TGM3: variants seen among roughly 807,000 people sequenced by gnomAD.
TGM3 encodes the protein transglutaminase 3.
A neutral mutation model predicts 73.8 loss-of-function variants in TGM3; 52 were observed. That is an observed-to-expected ratio of 0.70 (90% CI 0.56 to 0.89). The LOEUF is 0.89. Ranked by LOEUF, TGM3 falls within the 40% of genes least tolerant of loss-of-function variation. The pLI is 0.00. For missense variants in TGM3, 928 were observed against 909.9 expected (o/e 1.02, Z -0.26); for synonymous variants, 372 against 354.9 (o/e 1.05, Z -0.54).
At chr20:2,336,795 C>G (rs1568634660) in intron 11 of TGM3, among the ~76,000 whole-genome samples, 1 of 151,890 alleles carries the variant, frequency 6.6e-6, no homozygotes, top group Non-Finnish European at 1.5e-5. Context: ...ATCTAAACCC[C>G]TCCATTGATC....
intron 7 of TGM3, among the ~76,000 whole-genome samples, chr20:2,317,943 C>CATATATATATAT (rs61329150): frequency 8.3e-5 from 3 of 36,226 alleles, no homozygotes; most frequent in African/African-American, 1.4e-4. Context: ...ATATATATAT[C>CATATATATATAT]ATATATATAT....
At chr20:2,336,868 C>A (rs148554178) in intron 11 of TGM3, among the ~76,000 whole-genome samples, 5 of 152,096 alleles carry the variant, frequency 3.3e-5, no homozygotes, top group Non-Finnish European at 7.4e-5. Flanking sequence ...GTCACTGGGA[C>A]AATAAATTAC....
Position 2,317,480 on chromosome 20 carries a change from C to T in TGM3, c.978C>T (p.Ser326=), listed in dbSNP as rs769905860. The change falls in exon 7 of 13, where the codon AGC becomes AGT. Residue 326 remains serine, a synonymous_variant. Coordinates refer to ENST00000381458, the MANE Select transcript of TGM3 (RefSeq NM_003245.4). ...MGNPLDKGSD[S]VWNFHVWNEG... Reference sequence around the variant, plus strand: ...ACCCCCTGGACAAGGGTAGTGATAGCGTATGGTAAGTATCTCACCTTTTCC... The same window carrying T: ...ACCCCCTGGACAAGGGTAGTGATAGTGTATGGTAAGTATCTCACCTTTTCC... The T allele has an allele frequency of 1.9e-5, 31 of 1,614,076 alleles. No individual in the cohort carries two copies. The highest frequency in any genetic ancestry group is 4.0e-5 in the African/African-American group (3 of 74,932).
chr20:2,336,803 A>C (rs2084353685), intron 11 of TGM3, among the ~76,000 whole-genome samples: 1 of 151,738 alleles, frequency 6.6e-6, no homozygotes, highest in African/African-American at 2.4e-5. Context: ...CCCTCCATTG[A>C]TCAGTGGTGA....
In TGM3 at chr20:2,332,174, C is replaced by A. The variant is rs758343795; in HGVS notation, c.1506C>A (p.Val502=). The change falls in exon 10 of 13, where the codon GTC becomes GTA. Residue 502 remains valine (V), a synonymous_variant. Coordinates refer to ENST00000381458, the MANE Select transcript of TGM3 (RefSeq NM_003245.4). The surrounding 1 kb of genome is among the most constrained non-coding windows in gnomAD (Gnocchi z 4.4). ...MLAVGKEVNL[V]LLLKNLSRDT... The stretch of plus-strand genomic sequence containing the variant: ...CAGTAGGCAAAGAAGTCAACCTGGT[C>A]CTACTGCTCAAAAACCTGAGCAGGG... 364 of 1,613,986 alleles carry A rather than the reference C, an allele frequency of 2.3e-4. No individual in the cohort carries two copies. The highest frequency in any genetic ancestry group is 3.0e-4 in the Non-Finnish European group (352 of 1,180,012).
chr20:2,328,189 T>C lies in TGM3; in HGVS notation c.1157T>C (p.Met386Thr). 6.2e-7 allele frequency: 1 copy of C among 1,614,196 alleles called. No homozygotes were observed. Among genetic ancestry groups the C allele is most frequent in the Non-Finnish European group, 8.5e-7 (1 of 1,180,048 alleles). ...GGTGATGTGCAGCTGAACTTCGACA[T>C]GCCCTTTATCTTCGCGGAGGTTAAT... ...REGDVQLNFD[M>T]PFIFAEVNAD... The change falls in exon 9 of 13, where the codon ATG becomes ACG. Residue 386 changes from methionine to threonine, a missense_variant. By Grantham distance (81) the Met-to-Thr change is moderately conservative (BLOSUM62 -1). Coordinates refer to ENST00000381458, the MANE Select transcript of TGM3 (RefSeq NM_003245.4). The surrounding 1 kb of genome is among the most constrained non-coding windows in gnomAD (Gnocchi z 5.2).
intron 8 of TGM3, among the ~76,000 whole-genome samples, chr20:2,327,061 A>C (rs989566306): frequency 6.6e-6 from 1 of 152,182 alleles, no homozygotes; most frequent in Non-Finnish European, 1.5e-5. Flanking sequence ...ATTGCAACCC[A>C]TTAGTGGTTA....
chr20:2,301,550 A>G (rs1412821164), intron 1 of TGM3, among the ~76,000 whole-genome samples: 1 of 151,494 alleles, frequency 6.6e-6, no homozygotes, highest in African/African-American at 2.4e-5. Context: ...AAAAAGCAGA[A>G]GAGAAAATAT....
intron 11 of TGM3, among the ~76,000 whole-genome samples, chr20:2,338,118 T>C (rs1436619954): frequency 6.6e-6 from 1 of 152,166 alleles, no homozygotes; most frequent in Non-Finnish European, 1.5e-5. Flanking sequence ...GAAAAGATAA[T>C]AATTTGGGTA....
chr20:2,305,113 G>A (rs1394675893), intron 1 of TGM3, among the ~76,000 whole-genome samples: 2 of 152,156 alleles, frequency 1.3e-5, no homozygotes, highest in Non-Finnish European at 2.9e-5. Flanking sequence ...CCATCCTTTG[G>A]GGTTTGGGTT....
At chr20:2,327,228 T>C (rs1296752433) in intron 8 of TGM3, among the ~76,000 whole-genome samples, 3 of 152,016 alleles carry the variant, frequency 2.0e-5, no homozygotes, top group Non-Finnish European at 4.4e-5. Flanking sequence ...CCCAGCACTT[T>C]GGGAGGCCGA....
Position 2,327,196 on chromosome 20 carries a change from C to T in TGM3, c.1088-924C>T, listed in dbSNP as rs529817440. On this transcript the variant is annotated intron_variant, in intron 8 of 12. Coordinates refer to ENST00000381458, the MANE Select transcript of TGM3 (RefSeq NM_003245.4). ...TTAGATATAGTTAGACTAGGCTGGG[C>T]GCAGTGGCTCACGCCTGTAATCCCA... Among the ~76,000 whole-genome samples the T allele has an allele frequency of 4.9e-4, 75 of 152,130 alleles. 1 individual carries two copies. The South Asian group carries it at 0.012, about 24-fold the overall frequency.
At chr20:2,306,725 C>A (rs1260245649) in intron 1 of TGM3, among the ~76,000 whole-genome samples, 1 of 152,176 alleles carries the variant, frequency 6.6e-6, no homozygotes, top group Non-Finnish European at 1.5e-5. Context: ...GATCCACCCA[C>A]CTTGGCCTCC....
At chr20:2,327,393 C>T (rs1359457871) in intron 8 of TGM3, among the ~76,000 whole-genome samples, 2 of 152,060 alleles carry the variant, frequency 1.3e-5, no homozygotes, top group Non-Finnish European at 2.9e-5. Flanking sequence ...AGGAGAATGG[C>T]GTGAACCCGG....
chr20:2,313,610 A>T (rs1335120120), intron 5 of TGM3, among the ~76,000 whole-genome samples: 1 of 151,338 alleles, frequency 6.6e-6, no homozygotes, highest in Non-Finnish European at 1.5e-5. Context: ...CTGTGCCCCT[A>T]CAACACACAC....
Position 2,334,240 on chromosome 20 carries a change from G to T in TGM3, c.1643-876G>T, listed in dbSNP as rs1316977404. Among the ~76,000 whole-genome samples the T allele has an allele frequency of 6.6e-6, 1 of 152,330 alleles. No individual in the cohort carries two copies. Among genetic ancestry groups the T allele is most frequent in the Non-Finnish European group, 1.5e-5 (1 of 68,024 alleles). On this transcript the variant is annotated intron_variant, in intron 10 of 12. Coordinates refer to ENST00000381458, the MANE Select transcript of TGM3 (RefSeq NM_003245.4). The surrounding 1 kb of genome is among the most constrained non-coding windows in gnomAD (Gnocchi z 4.0). ...ATGGGGGCGAAAAGGTGCCTGTTTTGTCTGCAGAACAAGAAGTGTGGAAGG... is the reference window on the plus strand; with the variant it reads ...ATGGGGGCGAAAAGGTGCCTGTTTTTTCTGCAGAACAAGAAGTGTGGAAGG...
In TGM3 at chr20:2,328,273, T is replaced by C; in HGVS notation, c.1241T>C (p.Val414Ala). The C allele has an allele frequency of 3.1e-6, 5 of 1,614,122 alleles. No homozygotes were observed. The highest frequency in any genetic ancestry group is 4.2e-6 in the Non-Finnish European group (5 of 1,180,024). ...ACTGGCAAACAGTGGAAGAATTCCGTGAACAGTCACACCATTGGCAGGTAC... is the reference window on the plus strand; with the variant it reads ...ACTGGCAAACAGTGGAAGAATTCCGCGAACAGTCACACCATTGGCAGGTAC... ...NTTGKQWKNS[V>A]NSHTIGRYIS... is the part of the protein sequence containing the mutation. The change falls in exon 9 of 13, where the codon GTG (valine) becomes GCG (alanine). Residue 414 changes from valine (V) to alanine (A), a missense_variant. Val to Ala is a moderately conservative substitution (Grantham distance 64). Coordinates refer to ENST00000381458, the MANE Select transcript of TGM3 (RefSeq NM_003245.4). The surrounding 1 kb of genome is among the most constrained non-coding windows in gnomAD (Gnocchi z 5.2).
At chr20:2,337,956 A>G (rs1451592436) in intron 11 of TGM3, among the ~76,000 whole-genome samples, 1 of 152,212 alleles carries the variant, frequency 6.6e-6, no homozygotes, top group Non-Finnish European at 1.5e-5. Context: ...TAATCTTTTT[A>G]AATGACTCCT....
intron 7 of TGM3, among the ~76,000 whole-genome samples, chr20:2,322,780 A>G (rs1040414330): frequency 4.6e-5 from 7 of 152,250 alleles, no homozygotes; most frequent in African/African-American, 1.7e-4. Context: ...ACAGGACTCA[A>G]CTTTCTGTGT....
Sources: allele counts gnomAD v4.1 joint callset (sites outside exome capture counted in the v4.1 genomes callset), GRCh38; gene constraint gnomAD v4.1.1; non-coding constraint Gnocchi (gnomAD v3.1); transcripts MANE v1.5; gene names NCBI Gene and HGNC (gene_info 2026-07-23, HGNC 2026-07-21).